DMXL1: variants seen among roughly 807,000 people sequenced by gnomAD.
DMXL1 encodes the protein dmX-like protein 1.
A neutral mutation model predicts 319.2 loss-of-function variants in DMXL1; 99 were observed. That is an observed-to-expected ratio of 0.31 (90% CI 0.26 to 0.37). The LOEUF (loss-of-function observed/expected upper bound fraction) is 0.37, where lower values mean the gene tolerates loss of function less well. DMXL1 is among the 10% of genes least tolerant of loss of function. The pLI, the probability that DMXL1 is intolerant of heterozygous loss-of-function variation, is 1.00. For missense variants in DMXL1, 3,745 were observed against 3,595.6 expected, an observed-to-expected ratio of 1.04 and a Z score of -1.06; for synonymous variants, 1,385 against 1,235.2, an observed-to-expected ratio of 1.12 and a Z score of -2.54.
chr5:119,117,087 G>A (rs1761010377), intron 7 of DMXL1, among the ~76,000 whole-genome samples: 1 of 152,250 alleles, frequency 6.6e-6, no homozygotes, highest in Admixed American at 6.5e-5. Flanking sequence ...GGAGTGCGGT[G>A]CCCCAGTCAT....
Position 119,197,871 on chromosome 5 carries a change from A to T in DMXL1, c.7660A>T (p.Ser2554Cys), listed in dbSNP as rs200669120. ...HGGPPQNYIA[S>C]HTAEESLSAG... ...TGGGCCACCTCAAAATTATATCGCA[A>T]GTCATACCGCCGAAGAGAGTTTGTC... is the stretch of plus-strand genomic sequence containing the variant. Residue 2554 changes from serine to cysteine, a missense_variant, in exon 32 of 44, where the codon AGT becomes TGT. By Grantham distance (112) the Ser-to-Cys change is moderately radical. Coordinates refer to ENST00000539542, the MANE Select transcript of DMXL1 (RefSeq NM_001290321.3). The T allele has an allele frequency of 6.2e-7, 1 of 1,614,070 alleles. No individual in the cohort carries two copies.
chr5:119,216,878 G>T (rs1471980470), intron 34 of DMXL1, 23 bp from the exon 35 acceptor site: 2 of 1,335,394 alleles, frequency 1.5e-6, no homozygotes, highest in South Asian at 1.2e-5. Flanking sequence ...GTGCATTTTT[G>T]TGTTTTGTTT....
chr5:119,150,242 A>G lies in DMXL1; in HGVS notation c.4415A>G (p.Asp1472Gly), dbSNP rs776978346. ...GAAAATACAAAGCCTAGAGTTATTG[A>G]CCTTTCACAGTACAGTCCGACTTAC... Reference protein sequence around the residue: ...DEENTKPRVIDLSQYSPTYFG... With the variant: ...DEENTKPRVIGLSQYSPTYFG... The change falls in exon 18 of 44, where the codon GAC (aspartate) becomes GGC (glycine). Residue 1472 changes from aspartate (D) to glycine (G), a missense_variant. This residue lies in a region of DMXL1 where 2,096 missense variants were observed against 1,985.4 expected (regional missense o/e 1.06). Transcript: ENST00000539542. 6.2e-7 allele frequency: 1 copy of G among 1,613,756 alleles called. No individual in the cohort carries two copies. The highest frequency in any genetic ancestry group is 8.5e-7 in the Non-Finnish European group (1 of 1,179,808).
At chr5:119,180,758 A>G (rs555221461) in intron 28 of DMXL1, among the ~76,000 whole-genome samples, 1 of 152,252 alleles carries the variant, frequency 6.6e-6, no homozygotes, top group South Asian at 2.1e-4. Context: ...AAACTTTCAA[A>G]GTCTAAGGGA....
At chr5:119,106,262 C>T (rs563638399) in intron 4 of DMXL1, among the ~76,000 whole-genome samples, 11 of 152,236 alleles carry the variant, frequency 7.2e-5, no homozygotes, top group Non-Finnish European at 8.8e-5. Context: ...GTAGAAGCTG[C>T]AAGGAAGTCC....
intron 25 of DMXL1, among the ~76,000 whole-genome samples, chr5:119,172,523 C>T (rs1014053630): frequency 3.9e-5 from 6 of 152,082 alleles, no homozygotes; most frequent in African/African-American, 1.2e-4. Flanking sequence ...AGAGTATGTC[C>T]CAGGAATGTA....
chr5:119,144,300 G>C (rs564459650), intron 14 of DMXL1, among the ~76,000 whole-genome samples: 20 of 151,864 alleles, frequency 1.3e-4, no homozygotes, highest in Admixed American at 1.2e-3. Flanking sequence ...AAAAACATTG[G>C]TGGATATTAT....
intron 3 of DMXL1, chr5:119,104,218 A>C (rs1757864566): frequency 6.6e-6 from 1 of 152,196 alleles, no homozygotes; most frequent in South Asian, 2.1e-4. Flanking sequence ...GAATTTCTAC[A>C]TCTGTAGCTG....
chr5:119,199,170 G>C (rs1402237951), intron 32 of DMXL1, among the ~76,000 whole-genome samples: 1 of 152,070 alleles, frequency 6.6e-6, no homozygotes, highest in East Asian at 1.9e-4. Flanking sequence ...TTTTAGCTGT[G>C]AGCCACCATG....
In DMXL1 at chr5:119,133,976, A is replaced by T. The variant is rs562325044; in HGVS notation, c.2052A>T (p.Thr684=). ...DALNIEECSL[T]QQNKSTVDVA... Reference sequence around the variant, plus strand: ...TAAATATTGAAGAATGCTCTTTGACACAACAAAATAAAAGCACTGTTGACG... The same window carrying T: ...TAAATATTGAAGAATGCTCTTTGACTCAACAAAATAAAAGCACTGTTGACG... Residue 684 remains threonine, a synonymous_variant, in exon 12 of 44, where the codon ACA becomes ACT. Coordinates refer to ENST00000539542, the MANE Select transcript of DMXL1 (RefSeq NM_001290321.3). The T allele has an allele frequency of 2.7e-5, 43 of 1,614,182 alleles. No homozygotes were observed. In the South Asian group the frequency reaches 4.5e-4, roughly 17 times the overall value.
intron 41 of DMXL1, 74 bp from the exon 42 acceptor site, chr5:119,240,345 C>A (rs1462867724): frequency 9.5e-7 from 1 of 1,047,760 alleles, no homozygotes; most frequent in Non-Finnish European, 1.4e-6. Flanking sequence ...TTAAAGGTCA[C>A]ACAGTTATAT....
In DMXL1 at chr5:119,086,808, T is replaced by C. The variant is rs184354956; in HGVS notation, c.88-11171T>C. ...TTAGTTCTTTAAATGTTTGATAGAA[T>C]TCAGCAGTGAAGCCATAGGTCCTGA... is the stretch of plus-strand genomic sequence containing the variant. On this transcript the variant is annotated intron_variant, in intron 1 of 43. Coordinates refer to ENST00000539542, the MANE Select transcript of DMXL1 (RefSeq NM_001290321.3). Among the ~76,000 whole-genome samples the C allele has an allele frequency of 2.2e-4, 34 of 152,278 alleles. No individual in the cohort carries two copies. In the East Asian group the frequency reaches 6.6e-3, roughly 29 times the overall value.
intron 1 of DMXL1, among the ~76,000 whole-genome samples, chr5:119,097,517 A>G (rs184506358): frequency 1.3e-5 from 2 of 152,236 alleles, no homozygotes; most frequent in African/African-American, 4.8e-5. Context: ...GGAGATCAAG[A>G]CCATCCTGGC....
In DMXL1 at chr5:119,133,527, C is replaced by T; in HGVS notation, c.1603C>T (p.Pro535Ser). Residue 535 changes from proline to serine, a missense_variant, in exon 12 of 44, where the codon CCC becomes TCC. By Grantham distance (74) the Pro-to-Ser change is moderately conservative. Around this residue, in one of 4 missense-constraint regions of DMXL1, gnomAD observed 2,096 missense variants for 1,985.4 expected, o/e 1.06. Transcript: ENST00000539542. ...TGTTTCCAGAATTCCAGTAGCTTTC[C>T]CCACAGGTGATGCAAACTCTCTCTG... is the stretch of plus-strand genomic sequence containing the variant. ...SFVSRIPVAF[P>S]TGDANSLCKS... 6.2e-7 allele frequency: 1 copy of T among 1,612,186 alleles called. No individual in the cohort carries two copies. The highest frequency in any genetic ancestry group is 8.5e-7 in the Non-Finnish European group (1 of 1,179,398).
intron 13 of DMXL1, 70 bp downstream of exon 13, chr5:119,134,459 C>A: frequency 1.5e-6 from 2 of 1,300,766 alleles, no homozygotes; most frequent in Non-Finnish European, 2.1e-6. Context: ...ATTTATTGGG[C>A]ATGTTCTACA....
chr5:119,124,095 G>A (rs371681539), intron 9 of DMXL1, among the ~76,000 whole-genome samples: 1 of 151,514 alleles, frequency 6.6e-6, no homozygotes, highest in African/African-American at 2.4e-5. Context: ...GATCACCTGA[G>A]GCCAGGAGTT....
At chr5:119,095,532 C>A (rs1489323685) in intron 1 of DMXL1, among the ~76,000 whole-genome samples, 1 of 152,168 alleles carries the variant, frequency 6.6e-6, no homozygotes, top group Non-Finnish European at 1.5e-5. Context: ...TAGATAATTT[C>A]AGGTACAACA....
At chr5:119,128,109 T>C (rs867556843) in intron 9 of DMXL1, 3 of 493,922 alleles carry the variant, frequency 6.1e-6, no homozygotes, top group Non-Finnish European at 1.2e-5. Flanking sequence ...GTCTAAATCA[T>C]GGGATATCAA....
rs760687715 is a variant in DMXL1 at position 119,144,635 on chromosome 5, G to A, written c.2566G>A (p.Ala856Thr). 6.4e-7 allele frequency: 1 copy of A among 1,572,414 alleles called. No homozygotes were observed. Among genetic ancestry groups the A allele is most frequent in the Non-Finnish European group, 8.7e-7 (1 of 1,155,034 alleles). ...SLGKDSILSN[A>T]GSSPNGFSEK... ...TGGCAAAGACAGCATTTTATCTAATGCAGGTAAGGAAGAATTATTTATGGA... is the reference window on the plus strand; with the variant it reads ...TGGCAAAGACAGCATTTTATCTAATACAGGTAAGGAAGAATTATTTATGGA... The change falls in exon 15 of 44, where the codon GCA becomes ACA. Residue 856 changes from alanine (A) to threonine (T), a missense_variant. Ala to Thr is a moderately conservative substitution (Grantham distance 58). This residue lies in a region of DMXL1 where 2,096 missense variants were observed against 1,985.4 expected (regional missense o/e 1.06). Transcript: ENST00000539542.
Sources: gnomAD v4.1 joint callset for allele counts (sites outside exome capture counted in the v4.1 genomes callset) on GRCh38, gnomAD v4.1.1 for gene constraint, gnomAD v4.1.1 regional missense constraint, MANE v1.5 for transcripts, NCBI Gene and HGNC (gene_info 2026-07-23, HGNC 2026-07-21) for gene names.